Variants in MCTP2 observed in about 807,000 individuals in gnomAD.
MCTP2 encodes the protein multiple C2 and transmembrane domain containing 2.
MCTP2 carries 132 observed loss-of-function variants against 111.6 expected under a neutral mutation model. The ratio of observed to expected loss-of-function variants is 1.18; its 90% CI spans 1.03 to 1.37. The LOEUF (loss-of-function observed/expected upper bound fraction) is 1.37, where lower values mean the gene tolerates loss of function less well. MCTP2 is among the 40% of genes most tolerant of loss of function. MCTP2 has a pLI of 0.00. For missense variants in MCTP2, 1,183 were observed against 1,067.9 expected (o/e 1.11, Z -1.50); for synonymous variants, 395 against 387.7 (o/e 1.02, Z -0.22).
rs80194738 is a variant in MCTP2, at chr15:94,399,906, G to C, written c.1891-15G>C. On this transcript the variant is annotated splice_polypyrimidine_tract_variant and intron_variant, in intron 15 of 22. Coordinates refer to ENST00000357742, the MANE Select transcript of MCTP2 (RefSeq NM_001385001.1). ...TATACATGCTGCCCTTTTTTAACAAGGATGTCTTTTCTAGGTGAAAGCAAG... is the reference window on the plus strand; with the variant it reads ...TATACATGCTGCCCTTTTTTAACAACGATGTCTTTTCTAGGTGAAAGCAAG... The C allele has an allele frequency of 6.2e-7, 1 of 1,612,220 alleles. No individual in the cohort carries two copies. The highest frequency in any genetic ancestry group is 1.3e-5 in the African/African-American group (1 of 74,818).
chr15:94,354,137 G>T (rs1567506015), intron 8 of MCTP2, among the ~76,000 whole-genome samples: 2 of 151,872 alleles, frequency 1.3e-5, no homozygotes, highest in African/African-American at 2.4e-5. Flanking sequence ...GAAGTAAGAA[G>T]GAATTACTTA....
chr15:94,292,827 A>T (rs2075092836), intron 1 of MCTP2: 3 of 152,242 alleles, frequency 2.0e-5, no homozygotes, highest in Admixed American at 2.0e-4. Context: ...CACACTACCC[A>T]ATTAAAAGAC....
chr15:94,250,310 T>C (rs1450311738), intron 1 of MCTP2, among the ~76,000 whole-genome samples: 1 of 152,190 alleles, frequency 6.6e-6, no homozygotes, highest in Non-Finnish European at 1.5e-5. Context: ...CCTAGGCTTG[T>C]AGAACATTTA....
At position 94,244,619 on chromosome 15, in the gene MCTP2, CACAT is replaced by C. The variant is rs1445316264; in HGVS notation, c.-66+12961_-66+12964del. Reference sequence around the variant, plus strand: ...CTATGTTTATATACGTATATGTATACACATACATATGCACCTATGTTTATAAACG... The same window carrying C: ...CTATGTTTATATACGTATATGTATACACATATGCACCTATGTTTATAAACG... On this transcript the variant is annotated intron_variant, in intron 1 of 22. Coordinates refer to ENST00000357742, the MANE Select transcript of MCTP2 (RefSeq NM_001385001.1). Among the ~76,000 whole-genome samples the C allele has an allele frequency of 3.3e-4, 49 of 147,406 alleles. 2 individuals carry two copies. The highest frequency in any genetic ancestry group is 1.3e-3 in the Admixed American group (20 of 14,986).
chr15:94,245,267 TGTATATAC>T (rs200436151), intron 1 of MCTP2, among the ~76,000 whole-genome samples: 2,587 of 142,962 alleles, frequency 0.018, 32 homozygotes, highest in Middle Eastern at 0.032. Context: ...TATACATATG[TGTATATAC>T]GTATATACAC....
chr15:94,348,013 T>G (rs1214539133), intron 8 of MCTP2, among the ~76,000 whole-genome samples: 1 of 152,168 alleles, frequency 6.6e-6, no homozygotes. Context: ...TTACTTTAGA[T>G]GAATTTTTAC....
At chr15:94,353,134 G>A (rs537653093) in intron 8 of MCTP2, among the ~76,000 whole-genome samples, 1 of 152,338 alleles carries the variant, frequency 6.6e-6, no homozygotes, top group Admixed American at 6.5e-5. Flanking sequence ...ACAGCAGAGA[G>A]CAAGTCCATC....
At chr15:94,398,591 T>G (rs2081395793) in intron 14 of MCTP2, among the ~76,000 whole-genome samples, 1 of 152,246 alleles carries the variant, frequency 6.6e-6, no homozygotes, top group Admixed American at 6.5e-5. Context: ...TCTTCTAATC[T>G]GTGACAGTTT....
At chr15:94,327,359 T>C (rs2076930463) in intron 4 of MCTP2, among the ~76,000 whole-genome samples, 1 of 152,252 alleles carries the variant, frequency 6.6e-6, no homozygotes, top group Non-Finnish European at 1.5e-5. Flanking sequence ...ACGGTCACTT[T>C]TTAAGTATAC....
At chr15:94,343,858 T>C (rs2077803918) in intron 7 of MCTP2, 1 of 152,242 alleles carries the variant, frequency 6.6e-6, no homozygotes. Context: ...ACTCAATATA[T>C]GGTAGTTGGT....
At chr15:94,421,045 C>A (rs1047063913) in intron 17 of MCTP2, among the ~76,000 whole-genome samples, 3 of 152,038 alleles carry the variant, frequency 2.0e-5, no homozygotes, top group Non-Finnish European at 2.9e-5. Flanking sequence ...TGAGGCAAAA[C>A]CCTCCACCAG....
chr15:94,268,605 T>G (rs2073732113), intron 1 of MCTP2, among the ~76,000 whole-genome samples: 1 of 152,148 alleles, frequency 6.6e-6, no homozygotes, highest in Non-Finnish European at 1.5e-5. Context: ...GACTATGTGA[T>G]TAACACCTCA....
chr15:94,247,619 C>T (rs773022638), intron 1 of MCTP2, among the ~76,000 whole-genome samples: 2 of 152,038 alleles, frequency 1.3e-5, no homozygotes, highest in Non-Finnish European at 2.9e-5. Flanking sequence ...GCAGATAAAA[C>T]GGGCGCATCC....
At chr15:94,416,166 CAATAT>C (rs1229654430) in intron 17 of MCTP2, among the ~76,000 whole-genome samples, 1 of 151,942 alleles carries the variant, frequency 6.6e-6, no homozygotes, top group African/African-American at 2.4e-5. Context: ...CTACAGCCTG[CAATAT>C]AATATTTACG....
chr15:94,247,831 G>A (rs747511147), intron 1 of MCTP2, among the ~76,000 whole-genome samples: 8 of 152,168 alleles, frequency 5.3e-5, no homozygotes, highest in Non-Finnish European at 1.0e-4. Context: ...TGGATTTCTA[G>A]TAAATATTCA....
At chr15:94,249,288 A>C (rs188477392) in intron 1 of MCTP2, among the ~76,000 whole-genome samples, 1 of 152,196 alleles carries the variant, frequency 6.6e-6, no homozygotes, top group Non-Finnish European at 1.5e-5. Context: ...TAGCTGTGCC[A>C]TATCTGGAGT....
Position 94,470,335 on chromosome 15 carries a change from C to A in MCTP2, c.2363C>A (p.Thr788Lys). The A allele has an allele frequency of 6.2e-7, 1 of 1,607,868 alleles. No individual in the cohort carries two copies. The highest frequency in any genetic ancestry group is 8.5e-7 in the Non-Finnish European group (1 of 1,174,386). ...IASFGERIKN[T>K]FNWTVPFLSS... ...ATATTTATGTGGTTTGTCTACAGCACATTTAACTGGACGGTCCCCTTCCTT... is the reference window on the plus strand; with the variant it reads ...ATATTTATGTGGTTTGTCTACAGCAAATTTAACTGGACGGTCCCCTTCCTT... Residue 788 changes from threonine (T) to lysine (K), a missense_variant and splice_region_variant, in exon 21 of 23, where the codon ACA becomes AAA. Transcript: ENST00000357742.
intron 21 of MCTP2, among the ~76,000 whole-genome samples, chr15:94,473,497 A>G (rs2152542833): frequency 6.6e-6 from 1 of 152,336 alleles, no homozygotes; most frequent in Non-Finnish European, 1.5e-5. Context: ...AGTCACTTAC[A>G]TGAAGTATGT....
chr15:94,462,218 A>G (rs1400975472), intron 20 of MCTP2, among the ~76,000 whole-genome samples: 3 of 152,204 alleles, frequency 2.0e-5, no homozygotes, highest in South Asian at 2.1e-4. Context: ...ATGTGTCACA[A>G]TCATTTTTGT....
Sources: allele counts gnomAD v4.1 joint callset (sites outside exome capture counted in the v4.1 genomes callset), GRCh38; gene constraint gnomAD v4.1.1; transcripts MANE v1.5; gene names NCBI Gene and HGNC (gene_info 2026-07-23, HGNC 2026-07-21).